Variants in TUT4 observed in about 807,000 individuals in gnomAD.
TUT4 encodes the protein terminal uridylyl transferase 4, also known as terminal uridylyltransferase 4.
In TUT4, 36 loss-of-function variants were observed where a neutral mutation model predicts 192.2. The ratio of observed to expected loss-of-function variants is 0.19; its 90% CI spans 0.14 to 0.25. The LOEUF (loss-of-function observed/expected upper bound fraction) is 0.25. Ranked by LOEUF, TUT4 falls within the 10% of genes least tolerant of loss-of-function variation. TUT4 has a pLI of 1.00. For missense variants in TUT4, 1,493 were observed against 1,957.2 expected, an observed-to-expected ratio of 0.76 and a Z score of 4.47; for synonymous variants, 618 against 666.0, an observed-to-expected ratio of 0.93 and a Z score of 1.11.
rs150187792 is a variant in TUT4 at position 52,466,553 on chromosome 1, G to A, written c.2966-1380C>T. 3.6e-3 allele frequency among the ~76,000 whole-genome samples: 543 copies of A among 150,204 alleles called. 7 individuals carry two copies. Among genetic ancestry groups the A allele is most frequent in the South Asian group, 0.034 (162 of 4,754 alleles). On this transcript the variant is annotated intron_variant, in intron 15 of 29. Transcript: ENST00000257177. ...CTCAGGAGACTAAGGTAGGAGGATCGCTTGAGCCTCAGAGGTCAAGGCTGA... is the reference window on the plus strand; with the variant it reads ...CTCAGGAGACTAAGGTAGGAGGATCACTTGAGCCTCAGAGGTCAAGGCTGA...
Position 52,461,754 on chromosome 1 carries a change from C to T in TUT4, c.3085G>A (p.Glu1029Lys), listed in dbSNP as rs910111882. 1 of 1,410,156 alleles carries T rather than the reference C, an allele frequency of 7.1e-7. No homozygotes were observed. The allele number at this position is 1,410,156 out of a possible 1,614,324, so 87.4% of individuals were successfully genotyped here. The change falls in exon 17 of 30, where the codon GAA (glutamate) becomes AAA (lysine). Residue 1029 changes from glutamate to lysine, a missense_variant. Coordinates refer to ENST00000257177, the MANE Select transcript of TUT4 (RefSeq NM_001009881.3). ...ATTTTTGCCAAATTTTCAATTATTT[C>T]CTTACAATTTAATTTCTAAAAAACA... ...HENAEKLNCK[E>K]IIENLAKILK... is the part of the protein sequence containing the mutation.
At chr1:52,545,010 T>C (rs890928432) in intron 1 of TUT4, among the ~76,000 whole-genome samples, 4 of 150,644 alleles carry the variant, frequency 2.7e-5, no homozygotes, top group Non-Finnish European at 5.9e-5. Context: ...TGAGCCATGA[T>C]TGCGCCACTG....
rs182082578 is a variant in TUT4 at position 52,438,867 on chromosome 1, C to A, written c.3823-532G>T. Among the ~76,000 whole-genome samples, 273 of 152,106 alleles carry A rather than the reference C, an allele frequency of 1.8e-3. 1 individual carries two copies. The highest frequency in any genetic ancestry group is 6.4e-3 in the African/African-American group (265 of 41,510). On this transcript the variant is annotated intron_variant, in intron 24 of 29. Transcript: ENST00000257177. ...GGGGGATCACCTGAGGTCAGGAGTT[C>A]GAGACCAGCCTGGCCAACATGGCAA...
chr1:52,443,545 C>T (rs1432333809), intron 24 of TUT4, among the ~76,000 whole-genome samples: 3 of 151,262 alleles, frequency 2.0e-5, no homozygotes, highest in Non-Finnish European at 4.4e-5. Context: ...GCCGAGATCG[C>T]GCCATTGCAC....
chr1:52,475,774 G>A (rs1038596292), intron 12 of TUT4, among the ~76,000 whole-genome samples: 1 of 151,922 alleles, frequency 6.6e-6, no homozygotes, highest in Non-Finnish European at 1.5e-5. Flanking sequence ...TAATAATAAG[G>A]TCACTAATAA....
chr1:52,539,063 C>A (rs1410694615), intron 1 of TUT4, among the ~76,000 whole-genome samples: 1 of 151,966 alleles, frequency 6.6e-6, no homozygotes, highest in African/African-American at 2.4e-5. Flanking sequence ...GGGTAAGGAA[C>A]ACAACAGTAA....
intron 1 of TUT4, among the ~76,000 whole-genome samples, chr1:52,551,179 G>A (rs1382307331): frequency 6.6e-6 from 1 of 152,158 alleles, no homozygotes; most frequent in African/African-American, 2.4e-5. Context: ...GAACTTATAT[G>A]CATGACAATA....
intron 2 of TUT4, among the ~76,000 whole-genome samples, chr1:52,523,320 T>C (rs1305913884): frequency 6.6e-6 from 1 of 150,962 alleles, no homozygotes; most frequent in African/African-American, 2.4e-5. Flanking sequence ...CACCACTATT[T>C]ACTGGCCCGG....
intron 1 of TUT4, among the ~76,000 whole-genome samples, chr1:52,538,307 T>C (rs904465209): frequency 6.6e-6 from 1 of 152,098 alleles, no homozygotes; most frequent in Non-Finnish European, 1.5e-5. Context: ...AGAATATACA[T>C]TCTATCCCCA....
intron 2 of TUT4, among the ~76,000 whole-genome samples, chr1:52,523,372 A>G (rs1680823368): frequency 2.6e-5 from 4 of 152,052 alleles, no homozygotes; most frequent in Admixed American, 1.3e-4. Flanking sequence ...TTGGGAGGTC[A>G]AGGTGGGGGT....
intron 1 of TUT4, among the ~76,000 whole-genome samples, chr1:52,530,550 T>A (rs149862044): frequency 6.6e-6 from 1 of 152,228 alleles, no homozygotes; most frequent in African/African-American, 2.4e-5. Flanking sequence ...CACCCCCACA[T>A]CTTTTCTTGT....
At chr1:52,513,122 CAAAA>C (rs756219029) in intron 3 of TUT4, among the ~76,000 whole-genome samples, 2 of 97,204 alleles carry the variant, frequency 2.1e-5, no homozygotes, top group Non-Finnish European at 4.3e-5. Context: ...GACCCTGTCT[CAAAA>C]AAAAAAAAAA....
Position 52,431,159 on chromosome 1 carries a change from C to T in TUT4, c.4565G>A (p.Ser1522Asn). The T allele has an allele frequency of 6.2e-7, 1 of 1,614,166 alleles. No individual in the cohort carries two copies. Among genetic ancestry groups the T allele is most frequent in the Middle Eastern group, 1.6e-4 (1 of 6,062 alleles). The part of the protein sequence containing the change: ...VIHSAPGSAP[S>N]NIGLNDPSII... ...GCTGGGATCATTTAGGCCAATATTG[C>T]TGGGGGCACTGCCTGGTGCAGAGTG... Residue 1522 changes from serine to asparagine, a missense_variant, in exon 28 of 30, where the codon AGC becomes AAC. Coordinates refer to ENST00000257177, the MANE Select transcript of TUT4 (RefSeq NM_001009881.3).
At chr1:52,474,776 A>C in intron 13 of TUT4, 56 bp downstream of exon 13, 1 of 1,397,526 alleles carries the variant, frequency 7.2e-7, no homozygotes, top group Non-Finnish European at 9.6e-7. Flanking sequence ...TAAAAAATAT[A>C]CATAGTCATA....
At chr1:52,426,189 A>T (rs1463885749) in intron 28 of TUT4, among the ~76,000 whole-genome samples, 1 of 152,184 alleles carries the variant, frequency 6.6e-6, no homozygotes, top group Non-Finnish European at 1.5e-5. Flanking sequence ...CTTTGAGGCC[A>T]AACAAGTCTA....
chr1:52,468,674 T>C (rs1034298897), intron 14 of TUT4, among the ~76,000 whole-genome samples: 1 of 152,180 alleles, frequency 6.6e-6, no homozygotes, highest in African/African-American at 2.4e-5. Context: ...TTCCCTCAAA[T>C]GCCTGGTCAA....
intron 3 of TUT4, 186 bp downstream of exon 3, chr1:52,515,705 A>G: frequency 1.5e-6 from 1 of 683,864 alleles, no homozygotes; most frequent in East Asian, 2.7e-5. Flanking sequence ...ATAATAAGTA[A>G]CTGCTGAAAA....
At chr1:52,533,540 G>A (rs956165224) in intron 1 of TUT4, among the ~76,000 whole-genome samples, 5 of 152,090 alleles carry the variant, frequency 3.3e-5, no homozygotes, top group East Asian at 3.9e-4. Flanking sequence ...TACAGTTGTC[G>A]TTATACTGAG....
intron 2 of TUT4, among the ~76,000 whole-genome samples, chr1:52,519,612 C>T (rs1268019219): frequency 6.6e-6 from 1 of 151,460 alleles, no homozygotes; most frequent in Non-Finnish European, 1.5e-5. Flanking sequence ...CAGGTTCAAG[C>T]GATTCTCCTG....
Sources: gnomAD v4.1 joint callset for allele counts (sites outside exome capture counted in the v4.1 genomes callset) on GRCh38, gnomAD v4.1.1 for gene constraint, MANE v1.5 for transcripts, NCBI Gene and HGNC (gene_info 2026-07-23, HGNC 2026-07-21) for gene names.